The following TGFBI variants were observed in gnomAD, a reference collection of about 807,000 sequenced individuals.
TGFBI encodes the protein transforming growth factor-beta-induced protein ig-h3.
In TGFBI, 50 loss-of-function variants were observed where a neutral mutation model predicts 73.7. The ratio of observed to expected loss-of-function variants is 0.68; its 90% CI spans 0.54 to 0.86. The LOEUF is 0.86. Among genes scored for constraint, TGFBI ranks in the 40% least tolerant of loss-of-function variants. TGFBI has a pLI of 0.00. For missense variants in TGFBI, 839 were observed against 877.0 expected, an observed-to-expected ratio of 0.96 and a Z score of 0.55; for synonymous variants, 362 against 360.5, an observed-to-expected ratio of 1.00 and a Z score of -0.05.
Position 136,053,047 on chromosome 5 carries a change from A to T in TGFBI, c.1054A>T (p.Ile352Phe). The change falls in exon 8 of 17, where the codon ATC becomes TTC. Residue 352 changes from isoleucine to phenylalanine, a missense_variant. Physicochemically the swap from Ile to Phe is conservative, Grantham distance 21 (BLOSUM62 0). Transcript: ENST00000442011. ...GCTCACTATCAACGGGAAGGCGATC[A>T]TCTCCAATAAAGACATCCTAGCCAC... ...DMLTINGKAI[I>F]SNKDILATNG... 1 of 1,614,090 alleles carries T rather than the reference A, an allele frequency of 6.2e-7. No homozygotes were observed. The highest frequency in any genetic ancestry group is 8.5e-7 in the Non-Finnish European group (1 of 1,179,906).
intron 2 of TGFBI, among the ~76,000 whole-genome samples, chr5:136,035,392 G>C (rs956367077): frequency 1.3e-5 from 2 of 152,178 alleles, no homozygotes; most frequent in African/African-American, 2.4e-5. Context: ...GGGAGGCCGA[G>C]GTGGGCGGAT....
intron 6 of TGFBI, 76 bp downstream of exon 6, chr5:136,047,496 T>A (rs1751453255): frequency 1.3e-6 from 2 of 1,573,090 alleles, no homozygotes; most frequent in South Asian, 2.3e-5. Flanking sequence ...GGAACTCTTC[T>A]GCAGGAGAGG....
Position 136,056,804 on chromosome 5 carries a change from C to T in TGFBI, c.1678+9C>T. 6.2e-7 allele frequency: 1 copy of T among 1,610,488 alleles called. No homozygotes were observed. Among genetic ancestry groups the T allele is most frequent in the Non-Finnish European group, 8.5e-7 (1 of 1,178,142 alleles). On this transcript the variant is annotated intron_variant, in intron 12 of 16. Coordinates refer to ENST00000442011, the MANE Select transcript of TGFBI (RefSeq NM_000358.3). ...ACGGAGCAGACTCTTGGGTAAAGAC[C>T]AACTTAAGTACACGTCTCCATTTTT...
Position 136,047,497 on chromosome 5 carries a change from G to T in TGFBI, c.771+77G>T, listed in dbSNP as rs138151875. The T allele has an allele frequency of 2.2e-3, 3,518 of 1,569,990 alleles. 9 individuals are homozygous for T. The highest frequency in any genetic ancestry group is 5.0e-3 in the Middle Eastern group (27 of 5,438). On this transcript the variant is annotated intron_variant, in intron 6 of 16. Transcript: ENST00000442011. ...AGAGGGGCCTAGCAGGAACTCTTCT[G>T]CAGGAGAGGTAGAGGATGGCTCCTG...
At chr5:136,046,644 G>A in intron 4 of TGFBI, 149 bp downstream of exon 4, 1 of 1,258,972 alleles carries the variant, frequency 7.9e-7, no homozygotes, top group Non-Finnish European at 1.1e-6. Flanking sequence ...TGTGGAACTT[G>A]AGCTAAAATA....
At chr5:136,058,986 T>C in intron 12 of TGFBI, 104 bp from the exon 13 acceptor site, 13 of 1,434,064 alleles carry the variant, frequency 9.1e-6, no homozygotes, top group Non-Finnish European at 1.0e-5. Context: ...AGGGAGTTCT[T>C]CATTTCAGGG....
chr5:136,047,160 C>A, intron 5 of TGFBI, 114 bp from the exon 6 acceptor site: 1 of 1,525,886 alleles, frequency 6.6e-7, no homozygotes, highest in Non-Finnish European at 8.9e-7. Flanking sequence ...TATTCCACAG[C>A]TTGTGGAACC....
At chr5:136,047,519 C>T (rs1479404038) in intron 6 of TGFBI, 99 bp downstream of exon 6, 128 of 1,452,540 alleles carry the variant, frequency 8.8e-5, no homozygotes, top group Non-Finnish European at 1.5e-5. Flanking sequence ...GAGGATGGCT[C>T]CTGTAGGGGA....
At position 136,062,676 on chromosome 5, in the gene TGFBI, C is replaced by A; in HGVS notation, c.2000C>A (p.Ser667Tyr). ...GTTTTCTTTCAGGCTTCCCAGAGGT[C>A]TGTGCGACTAGGTGAGTCTGGTCTG... ...ASAFSRASQRSVRLAPVYQKL... is the reference protein window; with the variant it reads ...ASAFSRASQRYVRLAPVYQKL... Residue 667 changes from serine (S) to tyrosine (Y), a missense_variant, in exon 16 of 17, where the codon TCT becomes TAT. By Grantham distance (144) the Ser-to-Tyr change is moderately radical. Coordinates refer to ENST00000442011, the MANE Select transcript of TGFBI (RefSeq NM_000358.3). 1 of 1,568,008 alleles carries A rather than the reference C, an allele frequency of 6.4e-7. No homozygotes were observed. The highest frequency in any genetic ancestry group is 2.3e-5 in the East Asian group (1 of 42,882).
intron 8 of TGFBI, among the ~76,000 whole-genome samples, chr5:136,053,536 T>C (rs1382985461): frequency 6.6e-6 from 1 of 152,266 alleles, no homozygotes; most frequent in Non-Finnish European, 1.5e-5. Flanking sequence ...AGCCCCATTC[T>C]AGTCTTCCAG....
chr5:136,054,024 A>G lies in TGFBI; in HGVS notation c.1208A>G (p.His403Arg). 1 of 1,614,024 alleles carries G rather than the reference A, an allele frequency of 6.2e-7. No homozygotes were observed. The change falls in exon 9 of 17, where the codon CAT becomes CGT. Residue 403 changes from histidine (H) to arginine (R), a missense_variant. Coordinates refer to ENST00000442011, the MANE Select transcript of TGFBI (RefSeq NM_000358.3). ...DLFRQAGLGNHLSGSERLTLL... is the reference protein window; with the variant it reads ...DLFRQAGLGNRLSGSERLTLL... ...TTCAGACAAGCCGGCCTCGGCAATC[A>G]TCTCTCTGGAAGTGAGCGGTTGACC...
intron 4 of TGFBI, 108 bp from the exon 5 acceptor site, chr5:136,046,743 G>C: frequency 1.4e-6 from 2 of 1,400,930 alleles, no homozygotes; most frequent in Non-Finnish European, 1.9e-6. Context: ...TGGCAGAAGA[G>C]AGGCCTGGGC....
At chr5:136,062,030 G>A (rs1364894549) in intron 15 of TGFBI, among the ~76,000 whole-genome samples, 1 of 152,154 alleles carries the variant, frequency 6.6e-6, no homozygotes, top group Admixed American at 6.5e-5. Flanking sequence ...TGGATACAGG[G>A]ATACTGGGCT....
At chr5:136,061,027 G>A (rs950511208) in intron 14 of TGFBI, 91 bp downstream of exon 14, 4 of 892,200 alleles carry the variant, frequency 4.5e-6, no homozygotes, top group Admixed American at 5.7e-5. Flanking sequence ...AAACAATGAT[G>A]AGAATAACAT....
rs942535467 is a variant in TGFBI, at chr5:136,056,704, G to T, written c.1587G>T (p.Glu529Asp). Residue 529 changes from glutamate to aspartate, a missense_variant, in exon 12 of 17, where the codon GAG becomes GAT. Transcript: ENST00000442011. ...CCATCCAGTCTGCAGGACTGACGGAGACCCTCAACCGGGAAGGAGTCTACA... is the reference window on the plus strand; with the variant it reads ...CCATCCAGTCTGCAGGACTGACGGATACCCTCAACCGGGAAGGAGTCTACA... Reference protein sequence around the residue: ...VAAIQSAGLTETLNREGVYTV... With the variant: ...VAAIQSAGLTDTLNREGVYTV... 26 of 1,613,708 alleles carry T rather than the reference G, an allele frequency of 1.6e-5. No individual in the cohort carries two copies. The highest frequency in any genetic ancestry group is 2.0e-5 in the Non-Finnish European group (24 of 1,179,872).
At chr5:136,054,201 C>T (rs1751586216) in intron 9 of TGFBI, 121 bp downstream of exon 9, 2 of 1,345,628 alleles carry the variant, frequency 1.5e-6, no homozygotes, top group Non-Finnish European at 2.0e-6. Context: ...CCACTCAGCT[C>T]AACCAAAAGC....
rs190842339 is a variant in TGFBI, at chr5:136,054,018, G to T, written c.1202G>T (p.Gly401Val). The change falls in exon 9 of 17, where the codon GGC becomes GTC. Residue 401 changes from glycine to valine, a missense_variant. Gly to Val is a moderately radical substitution (Grantham distance 109). Transcript: ENST00000442011. ...GACCTTTTCAGACAAGCCGGCCTCGGCAATCATCTCTCTGGAAGTGAGCGG... is the reference window on the plus strand; with the variant it reads ...GACCTTTTCAGACAAGCCGGCCTCGTCAATCATCTCTCTGGAAGTGAGCGG... ...AIDLFRQAGLGNHLSGSERLT... is the reference protein window; with the variant it reads ...AIDLFRQAGLVNHLSGSERLT... 16 of 1,614,056 alleles carry T rather than the reference G, an allele frequency of 9.9e-6. No individual in the cohort carries two copies. In the African/African-American group the frequency reaches 2.0e-4, roughly 20 times the overall value.
intron 2 of TGFBI, among the ~76,000 whole-genome samples, chr5:136,038,173 G>A (rs116542530): frequency 0.011 from 1,614 of 152,316 alleles, 29 homozygotes; most frequent in African/African-American, 0.036. Context: ...TAAACTAGGA[G>A]GCTGACTAGC....
rs1164028364 is a variant in TGFBI, at chr5:136,063,386, G to A, written c.*160G>A. The A allele has an allele frequency of 1.5e-6, 1 of 663,100 alleles. No homozygotes were observed. The highest frequency in any genetic ancestry group is 2.6e-6 in the Non-Finnish European group (1 of 378,132). 41.1% of individuals were successfully genotyped at this position (663,100 alleles called of 1,614,324 possible). On this transcript the variant is annotated 3_prime_UTR_variant, in exon 17 of 17. Coordinates refer to ENST00000442011, the MANE Select transcript of TGFBI (RefSeq NM_000358.3). ...TGAGCCTTGTGCATGTGGGGGAGGA[G>A]GGAGAGAGATGTACTTTTTAAATCA...
Sources: allele counts gnomAD v4.1 joint callset (sites outside exome capture counted in the v4.1 genomes callset), GRCh38; gene constraint gnomAD v4.1.1; transcripts MANE v1.5; gene names NCBI Gene and HGNC (gene_info 2026-07-23, HGNC 2026-07-21).